Variants in MBD5 observed in about 807,000 individuals in gnomAD.
MBD5 encodes methyl-CpG binding domain protein 5, also known as methyl-CpG-binding domain protein 5.
A neutral mutation model predicts 117.3 loss-of-function variants in MBD5; 13 were observed. That is an observed-to-expected ratio of 0.11 (90% CI 0.07 to 0.18). MBD5 has a LOEUF of 0.18. Ranked by LOEUF, MBD5 falls within the 10% of genes least tolerant of loss-of-function variation. MBD5 has a pLI of 1.00. For synonymous variants in MBD5, 727 were observed against 766.4 expected (o/e 0.95, Z 0.85); for missense variants, 1,879 against 2,093.8 (o/e 0.90, Z 2.00).
chr2:148,454,310 T>TA (rs1706816855), intron 4 of MBD5, among the ~76,000 whole-genome samples: 1 of 152,154 alleles, frequency 6.6e-6, no homozygotes, highest in African/African-American at 2.4e-5. Flanking sequence ...TCCATTAACA[T>TA]GATTGATATA....
chr2:148,212,604 A>G (rs1574143117), intron 2 of MBD5, among the ~76,000 whole-genome samples: 1 of 152,168 alleles, frequency 6.6e-6, no homozygotes, highest in East Asian at 1.9e-4. Flanking sequence ...GTATGTATAT[A>G]TGTGTATGTT....
At chr2:148,195,714 G>T (rs1698967251) in intron 2 of MBD5, among the ~76,000 whole-genome samples, 1 of 151,904 alleles carries the variant, frequency 6.6e-6, no homozygotes, top group Admixed American at 6.6e-5. Flanking sequence ...GAACAAAACA[G>T]AATTAAGTTA....
At chr2:148,257,175 A>G (rs1700610967) in intron 3 of MBD5, among the ~76,000 whole-genome samples, 1 of 152,168 alleles carries the variant, frequency 6.6e-6, no homozygotes, top group African/African-American at 2.4e-5. Context: ...CAGGCCCCAA[A>G]CAAAACCATC....
intron 4 of MBD5, among the ~76,000 whole-genome samples, chr2:148,449,444 A>G (rs1035128900): frequency 6.6e-6 from 1 of 152,002 alleles, no homozygotes; most frequent in Non-Finnish European, 1.5e-5. Flanking sequence ...GAGAATTACA[A>G]GGGGAACCTA....
chr2:148,415,452 C>T (rs1705388404), intron 4 of MBD5, among the ~76,000 whole-genome samples: 1 of 152,092 alleles, frequency 6.6e-6, no homozygotes, highest in South Asian at 2.1e-4. Flanking sequence ...TGAGGATGTT[C>T]ATCTTGTATA....
At chr2:148,081,266 G>T (rs182056856) in intron 1 of MBD5, among the ~76,000 whole-genome samples, 61 of 152,182 alleles carry the variant, frequency 4.0e-4, no homozygotes, top group African/African-American at 1.4e-3. Flanking sequence ...TAGGGTTCTT[G>T]ACTGTCTTTT....
chr2:148,220,154 A>G (rs1035383909), intron 2 of MBD5: 1 of 152,134 alleles, frequency 6.6e-6, no homozygotes, highest in African/African-American at 2.4e-5. Context: ...TTATATAAAT[A>G]CTGTTTATCA....
chr2:148,325,254 T>C (rs1246702568), intron 3 of MBD5, among the ~76,000 whole-genome samples: 5 of 152,328 alleles, frequency 3.3e-5, no homozygotes, highest in African/African-American at 1.2e-4. Flanking sequence ...TTATTGAGGA[T>C]TTTTGCATCA....
rs1681468448 is a variant in MBD5 at position 148,489,940 on chromosome 2, C to T, written c.4308C>T (p.Pro1436=). The change falls in exon 11 of 14, where the codon CCC becomes CCT. Residue 1436 remains proline, a synonymous_variant. Coordinates refer to ENST00000642680, the MANE Select transcript of MBD5 (RefSeq NM_001378120.1). ...AACAGTGGGACGGGGAGCAAAGCCC[C>T]AGAGGGGAGCGAAACAGGTGGAAGT... is the stretch of plus-strand genomic sequence containing the variant. ...SKKQWDGEQS[P]RGERNRWKYE... 6.2e-7 allele frequency: 1 copy of T among 1,613,802 alleles called. No homozygotes were observed. Among genetic ancestry groups the T allele is most frequent in the African/African-American group, 1.3e-5 (1 of 74,840 alleles).
chr2:148,472,060 A>G (rs2105659543), intron 8 of MBD5: 1 of 152,198 alleles, frequency 6.6e-6, no homozygotes, highest in East Asian at 1.9e-4. Flanking sequence ...TTCAGGTCTG[A>G]GTTCATGTGC....
intron 3 of MBD5, among the ~76,000 whole-genome samples, chr2:148,235,324 C>G (rs1251153497): frequency 6.6e-6 from 1 of 152,142 alleles, no homozygotes; most frequent in Non-Finnish European, 1.5e-5. Flanking sequence ...ATTTCCTTTC[C>G]TAACTCATCC....
At chr2:148,131,675 CAA>C (rs1351313370) in intron 1 of MBD5, among the ~76,000 whole-genome samples, 1 of 152,060 alleles carries the variant, frequency 6.6e-6, no homozygotes, top group Non-Finnish European at 1.5e-5. Context: ...GTCTGGATGA[CAA>C]AGAGCAAAAC....
At chr2:148,137,140 G>A (rs1697190426) in intron 1 of MBD5, among the ~76,000 whole-genome samples, 1 of 151,964 alleles carries the variant, frequency 6.6e-6, no homozygotes, top group Admixed American at 6.6e-5. Flanking sequence ...TATACCCCTT[G>A]CCCAAGTTCC....
At chr2:148,393,566 A>G (rs1413118046) in intron 4 of MBD5, among the ~76,000 whole-genome samples, 1 of 152,220 alleles carries the variant, frequency 6.6e-6, no homozygotes, top group Non-Finnish European at 1.5e-5. Context: ...AACAAAAAAA[A>G]TTGATCCCTA....
At position 148,513,462 on chromosome 2, in the gene MBD5, C is replaced by A; in HGVS notation, c.*521C>A. 6.3e-6 allele frequency: 1 copy of A among 158,790 alleles called. No homozygotes were observed. Among genetic ancestry groups the A allele is most frequent in the Non-Finnish European group, 1.4e-5 (1 of 71,496 alleles). 9.8% of individuals were successfully genotyped at this position (158,790 alleles called of 1,614,324 possible). On this transcript the variant is annotated 3_prime_UTR_variant, in exon 14 of 14. Transcript: ENST00000642680. ...ATAAAAATACAACCTAAATGCTTTT[C>A]TATGATAATGTAAAAGATGCTGTTT...
intron 4 of MBD5, among the ~76,000 whole-genome samples, chr2:148,456,406 A>G (rs1166018229): frequency 6.6e-6 from 1 of 151,998 alleles, no homozygotes; most frequent in East Asian, 1.9e-4. Flanking sequence ...TCCTAATACC[A>G]TCACCTTGGG....
intron 1 of MBD5, among the ~76,000 whole-genome samples, chr2:148,110,825 A>G (rs1445431822): frequency 4.6e-5 from 7 of 151,594 alleles, no homozygotes. Flanking sequence ...ACCCTGTAAG[A>G]GACTTCTTTA....
rs75305832 is a variant in MBD5 at position 148,479,343 on chromosome 2, C to T, written c.2519-3767C>T. ...AGTTCATTTTCACTTTCTCCACAAA[C>T]GGGTGGTATTCTTTCCCTTTGTCCA... On this transcript the variant is annotated intron_variant, in intron 8 of 13. Transcript: ENST00000642680. Among the ~76,000 whole-genome samples, 6 of 152,256 alleles carry T rather than the reference C, an allele frequency of 3.9e-5. No homozygotes were observed. The East Asian group carries it at 5.8e-4, about 15-fold the overall frequency.
intron 1 of MBD5, among the ~76,000 whole-genome samples, chr2:148,095,456 T>C (rs1696044331): frequency 6.6e-6 from 1 of 152,134 alleles, no homozygotes; most frequent in African/African-American, 2.4e-5. Context: ...GTAATACACA[T>C]GCAATCTGTA....
Sources: gnomAD v4.1 joint callset for allele counts (sites outside exome capture counted in the v4.1 genomes callset) on GRCh38, gnomAD v4.1.1 for gene constraint, MANE v1.5 for transcripts, NCBI Gene and HGNC (gene_info 2026-07-23, HGNC 2026-07-21) for gene names.